Variants in RBMS3 observed in about 807,000 individuals in gnomAD.
RBMS3 encodes RNA-binding motif, single-stranded-interacting protein 3.
A neutral mutation model predicts 66.8 loss-of-function variants in RBMS3; 27 were observed. The observed-to-expected ratio is 0.40, with a 90% confidence interval of 0.30 to 0.56. The LOEUF is 0.56. RBMS3 is among the 20% of genes least tolerant of loss of function. The pLI is 0.40. For missense variants in RBMS3, 513 were observed against 549.5 expected, an observed-to-expected ratio of 0.93 and a Z score of 0.66; for synonymous variants, 188 against 183.0, an observed-to-expected ratio of 1.03 and a Z score of -0.22.
intron 6 of RBMS3, among the ~76,000 whole-genome samples, chr3:29,786,203 G>A (rs1023932783): frequency 6.6e-6 from 1 of 151,862 alleles, no homozygotes; most frequent in Non-Finnish European, 1.5e-5. Context: ...ACAAACAAAT[G>A]GAAATACATC....
At chr3:29,639,191 C>G (rs770619934) in intron 4 of RBMS3, among the ~76,000 whole-genome samples, 1 of 151,718 alleles carries the variant, frequency 6.6e-6, no homozygotes, top group South Asian at 2.1e-4. Flanking sequence ...AACTTAATCT[C>G]TTTCTGAAAG....
intron 1 of RBMS3, among the ~76,000 whole-genome samples, chr3:29,333,759 G>A (rs1482185382): frequency 6.6e-6 from 1 of 152,154 alleles, no homozygotes; most frequent in East Asian, 1.9e-4. Context: ...TAACAAGTAA[G>A]AACAGGGATG....
At chr3:29,860,933 C>G (rs757672093) in intron 6 of RBMS3, among the ~76,000 whole-genome samples, 2 of 152,074 alleles carry the variant, frequency 1.3e-5, no homozygotes, top group African/African-American at 2.4e-5. Context: ...GCAGTGAGCT[C>G]TCTTGCAGTG....
intron 6 of RBMS3, among the ~76,000 whole-genome samples, chr3:29,819,032 T>A (rs536707058): frequency 6.6e-6 from 1 of 152,238 alleles, no homozygotes; most frequent in Non-Finnish European, 1.5e-5. Flanking sequence ...AGAAAAACAA[T>A]ACATTCCATT....
intron 4 of RBMS3, among the ~76,000 whole-genome samples, chr3:29,632,262 A>G (rs1298855327): frequency 6.6e-6 from 1 of 151,800 alleles, no homozygotes; most frequent in African/African-American, 2.4e-5. Context: ...AATACCCAGT[A>G]TGAGAAATAA....
chr3:29,975,970 G>A (rs940792087), intron 12 of RBMS3, among the ~76,000 whole-genome samples: 1 of 151,820 alleles, frequency 6.6e-6, no homozygotes, highest in African/African-American at 2.4e-5. Context: ...GCATATCTCT[G>A]AATATATTTA....
intron 10 of RBMS3, among the ~76,000 whole-genome samples, chr3:29,911,371 T>C (rs7428549): frequency 0.038 from 5,758 of 152,134 alleles, 114 homozygotes; most frequent in Middle Eastern, 0.051. Context: ...TGTGTGCCCT[T>C]CAACAGTTCT....
intron 1 of RBMS3, among the ~76,000 whole-genome samples, chr3:29,309,797 G>A (rs1001631207): frequency 2.0e-5 from 3 of 151,634 alleles, no homozygotes; most frequent in Non-Finnish European, 4.4e-5. Flanking sequence ...ATAATTTGAG[G>A]TCATTGTTGA....
intron 4 of RBMS3, among the ~76,000 whole-genome samples, chr3:29,729,094 AT>A (rs1400697347): frequency 8.6e-5 from 13 of 151,052 alleles, no homozygotes; most frequent in Admixed American, 6.6e-4. Context: ...TCAGCTTGTC[AT>A]TTACATTAGG....
intron 4 of RBMS3, among the ~76,000 whole-genome samples, chr3:29,657,790 T>C (rs1315326343): frequency 6.6e-6 from 1 of 152,194 alleles, no homozygotes; most frequent in Non-Finnish European, 1.5e-5. Context: ...TTTTATATGA[T>C]GTGACTCTTA....
At chr3:29,646,975 C>G (rs1432351537) in intron 4 of RBMS3, among the ~76,000 whole-genome samples, 1 of 152,070 alleles carries the variant, frequency 6.6e-6, no homozygotes, top group Non-Finnish European at 1.5e-5. Context: ...AAGCATCCTT[C>G]TCTTTTCTTT....
At chr3:29,347,303 A>G (rs1485310762) in intron 1 of RBMS3, among the ~76,000 whole-genome samples, 1 of 152,238 alleles carries the variant, frequency 6.6e-6, no homozygotes, top group East Asian at 1.9e-4. Flanking sequence ...TTCAAGTGCC[A>G]CATAAATATG....
intron 4 of RBMS3, among the ~76,000 whole-genome samples, chr3:29,700,294 A>G (rs2052497650): frequency 6.6e-6 from 1 of 152,230 alleles, no homozygotes; most frequent in Non-Finnish European, 1.5e-5. Context: ...TTATTAGTCA[A>G]GACAGGAATA....
At position 29,739,837 on chromosome 3, in the gene RBMS3, A is replaced by G. The variant is rs1266628997; in HGVS notation, c.517A>G (p.Arg173Gly). The G allele has an allele frequency of 6.2e-7, 1 of 1,612,540 alleles. No individual in the cohort carries two copies. The highest frequency in any genetic ancestry group is 1.7e-5 in the Admixed American group (1 of 59,672). Reference sequence around the variant, plus strand: ...ACATGTCATTTCCACAAGAATACTAAGAGACGCTAATGGAGTCAGCAGAGG... The same window carrying G: ...ACATGTCATTTCCACAAGAATACTAGGAGACGCTAATGGAGTCAGCAGAGG... ...FGHVISTRIL[R>G]DANGVSRGVG... Residue 173 changes from arginine (R) to glycine (G), a missense_variant, in exon 5 of 15, where the codon AGA becomes GGA. Arg to Gly is a moderately radical substitution (Grantham distance 125). Coordinates refer to ENST00000383767, the MANE Select transcript of RBMS3 (RefSeq NM_001003793.3).
intron 1 of RBMS3, among the ~76,000 whole-genome samples, chr3:29,412,819 C>T (rs2040320442): frequency 1.3e-5 from 2 of 152,186 alleles, no homozygotes; most frequent in Non-Finnish European, 2.9e-5. Context: ...GGAGATAAAT[C>T]TGTCTATGAT....
In RBMS3 at chr3:30,005,755, C is replaced by T. The variant is rs1019649524; in HGVS notation, c.*1893C>T. On this transcript the variant is annotated 3_prime_UTR_variant, in exon 15 of 15. Coordinates refer to ENST00000383767, the MANE Select transcript of RBMS3 (RefSeq NM_001003793.3). ...AAGAACTTTTTCTTTCAGTTTAATT[C>T]TTTGAGGCATGTAGGACCAATAAGA... The T allele has an allele frequency of 2.0e-5, 3 of 151,552 alleles. No individual in the cohort carries two copies. Among genetic ancestry groups the T allele is most frequent in the African/African-American group, 7.3e-5 (3 of 41,334 alleles). 9.4% of individuals were successfully genotyped at this position (151,552 alleles called of 1,614,324 possible). A position where few individuals can be genotyped will look rare whatever the true frequency, so the allele number is the denominator to read the frequency against.
intron 6 of RBMS3, among the ~76,000 whole-genome samples, chr3:29,868,387 AT>A: frequency 6.6e-6 from 1 of 152,252 alleles, no homozygotes; most frequent in East Asian, 1.9e-4. Flanking sequence ...CAGGGGACTA[AT>A]TTTTTAAAAG....
intron 14 of RBMS3, among the ~76,000 whole-genome samples, chr3:29,993,718 T>A (rs368539916): frequency 3.3e-5 from 5 of 152,300 alleles, no homozygotes; most frequent in African/African-American, 1.2e-4. Context: ...TGGTTCTTCT[T>A]AGATCTTGAG....
chr3:29,931,933 C>A (rs1200819215), intron 10 of RBMS3, among the ~76,000 whole-genome samples: 1 of 152,090 alleles, frequency 6.6e-6, no homozygotes, highest in Non-Finnish European at 1.5e-5. Context: ...TAACTATAGG[C>A]AATCGTATAA....
Sources: gnomAD v4.1 joint callset for allele counts (sites outside exome capture counted in the v4.1 genomes callset) on GRCh38, gnomAD v4.1.1 for gene constraint, MANE v1.5 for transcripts, NCBI Gene and HGNC (gene_info 2026-07-23, HGNC 2026-07-21) for gene names.